Variants in SCAI observed in about 807,000 individuals in gnomAD.
SCAI encodes the protein protein SCAI.
A neutral mutation model predicts 92.2 loss-of-function variants in SCAI; 24 were observed. That is an observed-to-expected ratio of 0.26 (90% CI 0.19 to 0.37). The LOEUF is 0.37. Ranked by LOEUF, SCAI falls within the 10% of genes least tolerant of loss-of-function variation. SCAI has a pLI of 1.00. For synonymous variants in SCAI, 261 were observed against 258.6 expected, an observed-to-expected ratio of 1.01 and a Z score of -0.09; for missense variants, 450 against 736.2, an observed-to-expected ratio of 0.61 and a Z score of 4.50.
intron 14 of SCAI, among the ~76,000 whole-genome samples, chr9:124,977,731 T>C (rs566221641): frequency 6.6e-6 from 1 of 152,226 alleles, no homozygotes; most frequent in Admixed American, 6.5e-5. Flanking sequence ...GTAATTAAAG[T>C]GGTGCTGGTA....
chr9:125,134,433 C>T (rs550088450), intron 2 of SCAI, among the ~76,000 whole-genome samples: 2 of 152,272 alleles, frequency 1.3e-5, no homozygotes, highest in African/African-American at 4.8e-5. Flanking sequence ...GTTTCTTAAA[C>T]AAATTACATA....
chr9:124,996,692 T>C (rs958126606), intron 13 of SCAI, among the ~76,000 whole-genome samples: 10 of 151,586 alleles, frequency 6.6e-5, no homozygotes, highest in Non-Finnish European at 1.3e-4. Flanking sequence ...TGCAGTGGTA[T>C]GATCTCGGCT....
At chr9:125,029,588 A>C in intron 4 of SCAI, 56 bp downstream of exon 4, 3 of 1,028,574 alleles carry the variant, frequency 2.9e-6, no homozygotes, top group Non-Finnish European at 4.4e-6. Context: ...GAAGATAAAA[A>C]CTGTGACTAA....
chr9:125,135,478 C>T (rs567357080), intron 2 of SCAI, among the ~76,000 whole-genome samples: 7 of 151,530 alleles, frequency 4.6e-5, no homozygotes, highest in African/African-American at 1.7e-4. Flanking sequence ...ATGGGGAAAC[C>T]CCGCCTCTAC....
intron 3 of SCAI, among the ~76,000 whole-genome samples, chr9:125,034,963 AAC>A (rs1171616265): frequency 6.6e-6 from 1 of 152,202 alleles, no homozygotes; most frequent in East Asian, 1.9e-4. Flanking sequence ...GTATAGATCA[AAC>A]ACAAAATATT....
At chr9:124,987,526 C>T (rs143215381) in intron 14 of SCAI, among the ~76,000 whole-genome samples, 18 of 152,112 alleles carry the variant, frequency 1.2e-4, no homozygotes, top group African/African-American at 3.9e-4. Flanking sequence ...TCTTTCTCTA[C>T]GTGGGAAAGA....
intron 17 of SCAI, chr9:124,968,970 T>G (rs1161260790): frequency 5.1e-6 from 2 of 392,876 alleles, no homozygotes; most frequent in African/African-American, 4.1e-5. Flanking sequence ...GGCTGTGTCT[T>G]AAGTGGAACT....
At chr9:125,077,841 C>T (rs1286415689) in intron 2 of SCAI, among the ~76,000 whole-genome samples, 1 of 152,104 alleles carries the variant, frequency 6.6e-6, no homozygotes, top group Non-Finnish European at 1.5e-5. Context: ...GCCTCGGCCT[C>T]CCAAGTAGCT....
At chr9:125,035,145 A>C (rs1245155907) in intron 3 of SCAI, among the ~76,000 whole-genome samples, 1 of 152,128 alleles carries the variant, frequency 6.6e-6, no homozygotes, top group East Asian at 1.9e-4. Context: ...GCTTGAACCC[A>C]GAAATTCAAG....
intron 1 of SCAI, 98 bp downstream of exon 1, chr9:125,143,287 T>G: frequency 2.1e-6 from 1 of 484,990 alleles, no homozygotes. Flanking sequence ...CTCCGGTCTC[T>G]GCGCCCCGAA....
chr9:124,965,077 C>T (rs913672089), intron 17 of SCAI, among the ~76,000 whole-genome samples: 5 of 151,116 alleles, frequency 3.3e-5, no homozygotes, highest in African/African-American at 9.7e-5. Flanking sequence ...AGCTGCTTCT[C>T]GTGTTATCTT....
At chr9:124,964,649 C>A (rs1831504447) in intron 17 of SCAI, among the ~76,000 whole-genome samples, 1 of 152,154 alleles carries the variant, frequency 6.6e-6, no homozygotes, top group Admixed American at 6.5e-5. Flanking sequence ...GGCAAGTAGG[C>A]CACTTTGATA....
rs560515032 is a variant in SCAI at position 124,973,044 on chromosome 9, T to C, written c.1400-1200A>G. Among the ~76,000 whole-genome samples the C allele has an allele frequency of 1.6e-3, 247 of 152,334 alleles. 1 individual carries two copies. Among genetic ancestry groups the C allele is most frequent in the African/African-American group, 5.7e-3 (239 of 41,578 alleles). The stretch of plus-strand genomic sequence containing the variant: ...TTTGGGTTTTTTGGGATTTGCAATA[T>C]TTGCATATACATAATGAGATGTCCT... On this transcript the variant is annotated intron_variant, in intron 15 of 17. Transcript: ENST00000336505.
chr9:125,056,020 A>G lies in SCAI; in HGVS notation c.99-13T>C, dbSNP rs769586776. On this transcript the variant is annotated splice_polypyrimidine_tract_variant and intron_variant, in intron 2 of 17. Coordinates refer to ENST00000336505, the MANE Select transcript of SCAI (RefSeq NM_001144877.3). The stretch of plus-strand genomic sequence containing the variant: ...AGCAAATTCAGTCCTGTAAGAAAAC[A>G]TATGTTCATTCATGCAGGAGGTAAA... 2.5e-6 allele frequency: 4 copies of G among 1,584,492 alleles called. No homozygotes were observed. Among genetic ancestry groups the G allele is most frequent in the African/African-American group, 1.4e-5 (1 of 73,594 alleles).
Position 125,108,452 on chromosome 9 carries a change from G to C in SCAI, c.98+34181C>G, listed in dbSNP as rs550067190. On this transcript the variant is annotated intron_variant, in intron 2 of 17. Coordinates refer to ENST00000336505, the MANE Select transcript of SCAI (RefSeq NM_001144877.3). ...GAGCGTCTCTGCCTGGCCGCCCATCGTCTGAGATGTGGGGAGCGCCTCTGC... is the reference window on the plus strand; with the variant it reads ...GAGCGTCTCTGCCTGGCCGCCCATCCTCTGAGATGTGGGGAGCGCCTCTGC... Among the ~76,000 whole-genome samples the C allele has an allele frequency of 2.1e-3, 310 of 147,068 alleles. 3 individuals carry two copies. Among genetic ancestry groups the C allele is most frequent in the African/African-American group, 7.5e-3 (295 of 39,394 alleles).
chr9:125,072,546 C>A (rs547664074), intron 2 of SCAI, among the ~76,000 whole-genome samples: 14 of 152,140 alleles, frequency 9.2e-5, no homozygotes, highest in Admixed American at 2.6e-4. Context: ...GTAAAATATA[C>A]ATATTTACCA....
At chr9:125,063,097 C>T (rs1240941056) in intron 2 of SCAI, among the ~76,000 whole-genome samples, 2 of 136,488 alleles carry the variant, frequency 1.5e-5, no homozygotes, top group African/African-American at 2.7e-5. Flanking sequence ...TAATTATAAC[C>T]CCCCACCCCC....
chr9:125,124,541 A>T (rs1425654478), intron 2 of SCAI, among the ~76,000 whole-genome samples: 1 of 152,220 alleles, frequency 6.6e-6, no homozygotes, highest in Non-Finnish European at 1.5e-5. Flanking sequence ...CAGCTCAAGG[A>T]GTCAGGCAGG....
intron 6 of SCAI, among the ~76,000 whole-genome samples, chr9:125,022,913 T>C (rs1015608372): frequency 2.0e-5 from 3 of 152,198 alleles, no homozygotes; most frequent in African/African-American, 7.2e-5. Flanking sequence ...GATCATCATT[T>C]TGTTACTCAC....
Sources: gnomAD v4.1 joint callset for allele counts (sites outside exome capture counted in the v4.1 genomes callset) on GRCh38, gnomAD v4.1.1 for gene constraint, MANE v1.5 for transcripts, NCBI Gene and HGNC (gene_info 2026-07-23, HGNC 2026-07-21) for gene names.